Variants in CYYR1 observed in about 807,000 individuals in gnomAD.
CYYR1 encodes the protein cysteine and tyrosine-rich protein 1.
A neutral mutation model predicts 15.2 loss-of-function variants in CYYR1; 14 were observed. That is an observed-to-expected ratio of 0.92 (90% CI 0.61 to 1.44). The LOEUF (loss-of-function observed/expected upper bound fraction) is 1.44, where lower values mean the gene tolerates loss of function less well. Ranked by LOEUF, CYYR1 falls within the 40% of genes most tolerant of loss-of-function variation. The probability of loss-of-function intolerance (pLI) is 0.00; values close to 1 mark genes in which losing one functional copy is unlikely to be tolerated. For synonymous variants in CYYR1, 80 were observed against 77.4 expected (o/e 1.03, Z -0.18); for missense variants, 228 against 209.5 (o/e 1.09, Z -0.54).
intron 2 of CYYR1, among the ~76,000 whole-genome samples, chr21:26,485,434 A>G (rs2065237227): frequency 6.6e-6 from 1 of 152,076 alleles, no homozygotes; most frequent in Admixed American, 6.6e-5. Context: ...TCATCACAAA[A>G]TATTTCCCTT....
At chr21:26,499,037 G>T (rs997335654) in intron 2 of CYYR1, among the ~76,000 whole-genome samples, 2 of 152,156 alleles carry the variant, frequency 1.3e-5, no homozygotes, top group Non-Finnish European at 2.9e-5. Context: ...TTCGTAGAAT[G>T]AAAAATAGAT....
intron 3 of CYYR1, among the ~76,000 whole-genome samples, chr21:26,476,581 CT>C (rs1479698778): frequency 7.9e-6 from 1 of 127,370 alleles, no homozygotes; most frequent in Admixed American, 7.9e-5. Context: ...TCTACCCTAT[CT>C]ATCATCTATC....
chr21:26,537,765 T>C (rs189449919), intron 2 of CYYR1, among the ~76,000 whole-genome samples: 1 of 152,268 alleles, frequency 6.6e-6, no homozygotes, highest in Admixed American at 6.5e-5. Context: ...AATTCATACG[T>C]TGACCCCTAA....
intron 2 of CYYR1, among the ~76,000 whole-genome samples, chr21:26,529,381 T>C (rs1425537077): frequency 6.6e-6 from 1 of 152,240 alleles, no homozygotes; most frequent in Non-Finnish European, 1.5e-5. Context: ...CACATATTAA[T>C]ATACATTGGA....
chr21:26,541,089 C>T (rs1024613153), intron 2 of CYYR1, among the ~76,000 whole-genome samples: 1 of 152,072 alleles, frequency 6.6e-6, no homozygotes, highest in African/African-American at 2.4e-5. Flanking sequence ...ACTATATAAT[C>T]TAGAGAGCAG....
chr21:26,518,826 A>G (rs915137771), intron 2 of CYYR1, among the ~76,000 whole-genome samples: 8 of 152,192 alleles, frequency 5.3e-5, no homozygotes, highest in Non-Finnish European at 1.2e-4. Context: ...CAAGAAAAGG[A>G]TGGGGCTCAG....
chr21:26,566,607 T>A (rs1226974031), intron 1 of CYYR1, among the ~76,000 whole-genome samples: 1 of 152,164 alleles, frequency 6.6e-6, no homozygotes, highest in Non-Finnish European at 1.5e-5. Flanking sequence ...GCACCATAAT[T>A]ACCAGTCAGG....
intron 2 of CYYR1, among the ~76,000 whole-genome samples, chr21:26,521,672 G>A (rs2065805402): frequency 6.6e-6 from 1 of 152,102 alleles, no homozygotes; most frequent in South Asian, 2.1e-4. Flanking sequence ...AGAATGGTGA[G>A]CAAAACATTG....
At chr21:26,518,734 T>C (rs1197564224) in intron 2 of CYYR1, 1 of 152,230 alleles carries the variant, frequency 6.6e-6, no homozygotes, top group African/African-American at 2.4e-5. Context: ...GCCTGACCAA[T>C]ATCATCCTAA....
Position 26,573,186 on chromosome 21 carries a change from CTT to C in CYYR1, c.-248_-247del, listed in dbSNP as rs977724482. On this transcript the variant is annotated 5_prime_UTR_variant, in exon 1 of 4. It introduces an in-frame stop codon into an upstream open reading frame of the 5' UTR. Coordinates refer to ENST00000652641, the MANE Select transcript of CYYR1 (RefSeq NM_001320768.2). ...CGGGCTGCGCTGGGGGCCCAGGTCT[CTT>C]TGTCTCGCCCCACTGCGCTCAGGCG... 80 of 1,466,238 alleles carry C rather than the reference CTT, an allele frequency of 5.5e-5. No homozygotes were observed. The highest frequency in any genetic ancestry group is 8.3e-5 in the Admixed American group (4 of 48,054). 90.8% of individuals were successfully genotyped at this position (1,466,238 alleles called of 1,614,324 possible). A position where few individuals can be genotyped will look rare whatever the true frequency, so the allele number is the denominator to read the frequency against.
chr21:26,480,551 T>G (rs1374507629), intron 2 of CYYR1, 122 bp from the exon 3 acceptor site: 1 of 1,047,184 alleles, frequency 9.5e-7, no homozygotes, highest in Admixed American at 3.4e-5. Flanking sequence ...ATAATGTGTG[T>G]GTGTTTTTCT....
chr21:26,562,740 ACAC>A (rs1980298093), intron 2 of CYYR1, among the ~76,000 whole-genome samples: 1 of 146,930 alleles, frequency 6.8e-6, no homozygotes, highest in East Asian at 2.0e-4. Context: ...ACACACACAC[ACAC>A]ACACACACAC....
At chr21:26,514,689 C>T (rs1338308347) in intron 2 of CYYR1, among the ~76,000 whole-genome samples, 1 of 152,156 alleles carries the variant, frequency 6.6e-6, no homozygotes, top group Non-Finnish European at 1.5e-5. Flanking sequence ...GGGCCAGAGT[C>T]AGAGGGAACT....
chr21:26,562,727 AACAC>A (rs58990363), intron 2 of CYYR1, among the ~76,000 whole-genome samples: 12,772 of 131,468 alleles, frequency 0.097, 646 homozygotes, highest in Admixed American at 0.15. Context: ...TCTCCTCCTA[AACAC>A]ACACACACAC....
At chr21:26,534,701 C>T (rs1189591482) in intron 2 of CYYR1, among the ~76,000 whole-genome samples, 4 of 152,108 alleles carry the variant, frequency 2.6e-5, no homozygotes, top group Non-Finnish European at 5.9e-5. Context: ...CCCTTTCAGG[C>T]TTAGAAATGG....
chr21:26,517,638 C>T (rs932144203), intron 2 of CYYR1, among the ~76,000 whole-genome samples: 1 of 152,104 alleles, frequency 6.6e-6, no homozygotes, highest in Non-Finnish European at 1.5e-5. Context: ...TCACTGCAAC[C>T]TCCATCTCCC....
chr21:26,512,830 C>G (rs1482568881), intron 2 of CYYR1, among the ~76,000 whole-genome samples: 1 of 152,098 alleles, frequency 6.6e-6, no homozygotes, highest in Non-Finnish European at 1.5e-5. Flanking sequence ...AAAGGTTGAC[C>G]AACCCCTAAT....
chr21:26,483,396 T>C, intron 2 of CYYR1: 1 of 909,388 alleles, frequency 1.1e-6, no homozygotes, highest in African/African-American at 2.1e-5. Flanking sequence ...CTGGTGATCC[T>C]TGAATTCTCT....
chr21:26,528,558 G>C (rs927151279), intron 2 of CYYR1, among the ~76,000 whole-genome samples: 9 of 152,162 alleles, frequency 5.9e-5, no homozygotes, highest in African/African-American at 1.7e-4. Context: ...GCCCTCGTCA[G>C]AACCGGGTGC....
Sources: allele counts gnomAD v4.1 joint callset (sites outside exome capture counted in the v4.1 genomes callset), GRCh38; gene constraint gnomAD v4.1.1; transcripts MANE v1.5; gene names NCBI Gene and HGNC (gene_info 2026-07-23, HGNC 2026-07-21).